Variants in LHX2 observed in about 807,000 individuals in gnomAD.
LHX2 encodes LIM/homeobox protein Lhx2.
Under a neutral mutation model 33.0 loss-of-function variants are expected in LHX2, and 6 were observed. The ratio of observed to expected loss-of-function variants is 0.18; its 90% CI spans 0.10 to 0.36. The LOEUF is 0.36. Among genes scored for constraint, LHX2 ranks in the 10% least tolerant of loss-of-function variants. The pLI is 1.00. For missense variants in LHX2, 442 were observed against 586.2 expected (o/e 0.75, Z 2.54); for synonymous variants, 292 against 253.1 (o/e 1.15, Z -1.46).
Position 124,014,131 on chromosome 9 carries a change from C to A in LHX2, c.291C>A (p.Asp97Glu). The A allele has an allele frequency of 6.2e-7, 1 of 1,613,472 alleles. No homozygotes were observed. The highest frequency in any genetic ancestry group is 8.5e-7 in the Non-Finnish European group (1 of 1,180,012). ...CGGAGCTCACCTGTTTCAGCAAGGA[C>A]GGTAGCATCTACTGCAAGGAAGACT... ...LESELTCFSK[D>E]GSIYCKEDYY... The change falls in exon 2 of 5, where the codon GAC becomes GAA. Residue 97 changes from aspartate to glutamate, a missense_variant. Coordinates refer to ENST00000373615, the MANE Select transcript of LHX2 (RefSeq NM_004789.4). The surrounding 1 kb of genome is among the most constrained non-coding windows in gnomAD (Gnocchi z 4.8).
Position 124,014,567 on chromosome 9 carries a change from G to A in LHX2, c.323+404G>A, listed in dbSNP as rs1403033784. Among the ~76,000 whole-genome samples, 1 of 152,192 alleles carries A rather than the reference G, an allele frequency of 6.6e-6. No homozygotes were observed. Among genetic ancestry groups the A allele is most frequent in the African/African-American group, 2.4e-5 (1 of 41,450 alleles). ...CACAGCTGGAAAGAGAGCTGTGGGAGTGGGTGCATTTCCAGGTCTTTTGAG... is the reference window on the plus strand; with the variant it reads ...CACAGCTGGAAAGAGAGCTGTGGGAATGGGTGCATTTCCAGGTCTTTTGAG... On this transcript the variant is annotated intron_variant, in intron 2 of 4. Coordinates refer to ENST00000373615, the MANE Select transcript of LHX2 (RefSeq NM_004789.4). This position sits in a 1 kb window ranked among gnomAD's most constrained non-coding sequence, Gnocchi z 4.8.
intron 4 of LHX2, among the ~76,000 whole-genome samples, chr9:124,026,955 G>C (rs1234657918): frequency 3.9e-5 from 6 of 152,154 alleles, no homozygotes; most frequent in Admixed American, 3.9e-4. Context: ...TTTCCTGCCT[G>C]TCTACCACCC....
chr9:124,012,746 C>T lies in LHX2; in HGVS notation c.120+278C>T, dbSNP rs1438975063. ...GCGAAGTCCCATCCGCGGCCCGGGG[C>T]GGCTCCCTTCTCACCTTGCCCGGTG... is the stretch of plus-strand genomic sequence containing the variant. On this transcript the variant is annotated intron_variant, in intron 1 of 4. Transcript: ENST00000373615. The surrounding 1 kb of genome is among the most constrained non-coding windows in gnomAD (Gnocchi z 4.3). Among the ~76,000 whole-genome samples, 3 of 152,204 alleles carry T rather than the reference C, an allele frequency of 2.0e-5. No individual in the cohort carries two copies. The highest frequency in any genetic ancestry group is 4.8e-5 in the African/African-American group (2 of 41,460).
chr9:124,011,897 G>A lies in LHX2; in HGVS notation c.-452G>A, dbSNP rs1267905851. 1 of 152,252 alleles carries A rather than the reference G, an allele frequency of 6.6e-6. No individual in the cohort carries two copies. The highest frequency in any genetic ancestry group is 1.5e-5 in the Non-Finnish European group (1 of 68,116). 9.4% of individuals were successfully genotyped at this position (152,252 alleles called of 1,614,324 possible). On this transcript the variant is annotated 5_prime_UTR_variant, in exon 1 of 5. Transcript: ENST00000373615. Reference sequence around the variant, plus strand: ...AGGGAGGGGAGGGGTCCAGGCAGCTGGGCCGCCGCGGACACCTAGCGGCTT... The same window carrying A: ...AGGGAGGGGAGGGGTCCAGGCAGCTAGGCCGCCGCGGACACCTAGCGGCTT...
In LHX2 at chr9:124,032,697, A is replaced by G. The variant is rs769950167; in HGVS notation, c.1211A>G (p.Asn404Ser). ...PHSPSQTTLT[N>S]LF ...AGCCCCTCACAAACGACTCTTACCA[A>G]CCTTTTCTAATGACTCGCAACCCCT... The change falls in exon 5 of 5, where the codon AAC (asparagine) becomes AGC (serine). Residue 404 changes from asparagine to serine, a missense_variant. Physicochemically the swap from Asn to Ser is conservative, Grantham distance 46. Around this residue, in one of 5 missense-constraint regions of LHX2, gnomAD observed 109 missense variants for 98.7 expected, o/e 1.10. Transcript: ENST00000373615. This position sits in a 1 kb window ranked among gnomAD's most constrained non-coding sequence, Gnocchi z 4.1. The G allele has an allele frequency of 1.3e-6, 2 of 1,582,810 alleles. No homozygotes were observed. The highest frequency in any genetic ancestry group is 1.1e-5 in the South Asian group (1 of 89,040).
chr9:124,018,531 C>G (rs900566687), intron 3 of LHX2, among the ~76,000 whole-genome samples: 2 of 152,172 alleles, frequency 1.3e-5, no homozygotes, highest in African/African-American at 4.8e-5. Flanking sequence ...CCTTCTTTCC[C>G]CTTTTCTCTA....
intron 4 of LHX2, among the ~76,000 whole-genome samples, chr9:124,022,531 G>A (rs1261618497): frequency 2.6e-5 from 4 of 152,202 alleles, no homozygotes; most frequent in Non-Finnish European, 5.9e-5. Context: ...ACCGAGGGAT[G>A]AAGTAACCGG....
chr9:124,012,287 G>A lies in LHX2; in HGVS notation c.-62G>A. ...TTAGCGCCAGGAGCGCCAGGCAGCT[G>A]AGGCGGGGGGCAAGCCCTCCCTCGG... On this transcript the variant is annotated 5_prime_UTR_variant, in exon 1 of 5. Coordinates refer to ENST00000373615, the MANE Select transcript of LHX2 (RefSeq NM_004789.4). This position sits in a 1 kb window ranked among gnomAD's most constrained non-coding sequence, Gnocchi z 4.3. The A allele has an allele frequency of 1.4e-6, 2 of 1,422,856 alleles. No individual in the cohort carries two copies. The highest frequency in any genetic ancestry group is 1.8e-6 in the Non-Finnish European group (2 of 1,091,830). The allele number at this position is 1,422,856 out of a possible 1,614,324, so 88.1% of individuals were successfully genotyped here.
chr9:124,018,633 G>A (rs115481101), intron 3 of LHX2, among the ~76,000 whole-genome samples: 5,999 of 152,076 alleles, frequency 0.039, 145 homozygotes, highest in Middle Eastern at 0.11. Context: ...CCGGACCCTC[G>A]CCACAAGCTG....
chr9:124,021,439 C>T (rs1024877148), intron 4 of LHX2, 135 bp downstream of exon 4: 4 of 702,932 alleles, frequency 5.7e-6, no homozygotes, highest in Non-Finnish European at 7.1e-6. Flanking sequence ...TTCTCATTCT[C>T]TTTCTTCACC....
At chr9:124,023,383 C>T (rs929085419) in intron 4 of LHX2, among the ~76,000 whole-genome samples, 7 of 152,266 alleles carry the variant, frequency 4.6e-5, no homozygotes, top group South Asian at 2.1e-4. Context: ...TCAAAGCCCT[C>T]CTGGGCATAG....
In LHX2 at chr9:124,012,361, A is replaced by G; in HGVS notation, c.13A>G (p.Ser5Gly). 1 of 1,519,716 alleles carries G rather than the reference A, an allele frequency of 6.6e-7. No individual in the cohort carries two copies. Among genetic ancestry groups the G allele is most frequent in the Non-Finnish European group, 8.8e-7 (1 of 1,138,428 alleles). 94.1% of individuals were successfully genotyped at this position (1,519,716 alleles called of 1,614,324 possible). MLFH[S>G]LSGPEVHGVI... The stretch of plus-strand genomic sequence containing the variant: ...CGGTCCCGCCGCGATGCTGTTCCAC[A>G]GTCTGTCGGGCCCCGAGGTGCACGG... The change falls in exon 1 of 5, where the codon AGT becomes GGT. Residue 5 changes from serine to glycine, a missense_variant. By Grantham distance (56) the Ser-to-Gly change is moderately conservative (BLOSUM62 0). Coordinates refer to ENST00000373615, the MANE Select transcript of LHX2 (RefSeq NM_004789.4). This position sits in a 1 kb window ranked among gnomAD's most constrained non-coding sequence, Gnocchi z 4.3.
chr9:124,028,556 C>T (rs1828662851), intron 4 of LHX2, among the ~76,000 whole-genome samples: 1 of 152,154 alleles, frequency 6.6e-6, no homozygotes, highest in South Asian at 2.1e-4. Flanking sequence ...TGAGGCCGGT[C>T]CAGAGGTGAG....
In LHX2 at chr9:124,032,495, A is replaced by G; in HGVS notation, c.1009A>G (p.Thr337Ala). Residue 337 changes from threonine to alanine, a missense_variant, in exon 5 of 5, where the codon ACA becomes GCA. By Grantham distance (58) the Thr-to-Ala change is moderately conservative. Around this residue, in one of 5 missense-constraint regions of LHX2, gnomAD observed 109 missense variants for 98.7 expected, o/e 1.10. Transcript: ENST00000373615. This position sits in a 1 kb window ranked among gnomAD's most constrained non-coding sequence, Gnocchi z 4.1. ...RQENTGVDKSTDAALQTGTPS... is the reference protein window; with the variant it reads ...RQENTGVDKSADAALQTGTPS... ...GGAAAACACGGGCGTGGACAAGTCGACAGACGCGGCGCTGCAGACAGGGAC... is the reference window on the plus strand; with the variant it reads ...GGAAAACACGGGCGTGGACAAGTCGGCAGACGCGGCGCTGCAGACAGGGAC... 4 of 1,612,676 alleles carry G rather than the reference A, an allele frequency of 2.5e-6. No individual in the cohort carries two copies. The highest frequency in any genetic ancestry group is 3.4e-6 in the Non-Finnish European group (4 of 1,179,930).
rs1370844767 is a variant in LHX2, at chr9:124,014,009, G to A, written c.169G>A (p.Gly57Arg). 6.2e-7 allele frequency: 1 copy of A among 1,613,498 alleles called. No homozygotes were observed. Among genetic ancestry groups the A allele is most frequent in the Non-Finnish European group, 8.5e-7 (1 of 1,180,028 alleles). ...CCGCGCCGCGCTGTGCGCCGGCTGC[G>A]GGGGCAAGATCTCGGACCGCTACTA... is the stretch of plus-strand genomic sequence containing the variant. ...SDRAALCAGCGGKISDRYYLL... is the reference protein window; with the variant it reads ...SDRAALCAGCRGKISDRYYLL... Residue 57 changes from glycine to arginine, a missense_variant, in exon 2 of 5, where the codon GGG becomes AGG. Around this residue, in one of 5 missense-constraint regions of LHX2, gnomAD observed 72 missense variants for 171.6 expected, o/e 0.42. Transcript: ENST00000373615. This position sits in a 1 kb window ranked among gnomAD's most constrained non-coding sequence, Gnocchi z 4.8.
In LHX2 at chr9:124,024,996, G is replaced by A. The variant is rs140604988; in HGVS notation, c.933+3692G>A. On this transcript the variant is annotated intron_variant, in intron 4 of 4. Transcript: ENST00000373615. ...TGTGGGTCACAGATGCCATGTCTTG[G>A]TAGGGAAGCAGAAACCTCTAGTAAA... Among the ~76,000 whole-genome samples the A allele has an allele frequency of 3.7e-4, 56 of 152,314 alleles. No homozygotes were observed. The East Asian group carries it at 0.011, about 29-fold the overall frequency.
intron 4 of LHX2, among the ~76,000 whole-genome samples, chr9:124,021,572 C>T (rs1286493606): frequency 6.6e-6 from 1 of 152,198 alleles, no homozygotes; most frequent in Non-Finnish European, 1.5e-5. Context: ...TCTCCACACT[C>T]GGTCTCTTTT....
Position 124,032,690 on chromosome 9 carries a change from CT to C in LHX2, c.1206del (p.Thr403ProfsTer16). ...HEPHSPSQTT[L>X]TNLF ...GCCTCACAGCCCCTCACAAACGACT[CT>C]TACCAACCTTTTCTAATGACTCGCA... On this transcript the variant is annotated frameshift_variant, in exon 5 of 5. Coordinates refer to ENST00000373615, the MANE Select transcript of LHX2 (RefSeq NM_004789.4). LOFTEE classifies it high-confidence loss of function. This position sits in a 1 kb window ranked among gnomAD's most constrained non-coding sequence, Gnocchi z 4.1. 1.9e-6 allele frequency: 3 copies of C among 1,587,096 alleles called. No homozygotes were observed. Among genetic ancestry groups the C allele is most frequent in the Non-Finnish European group, 1.7e-6 (2 of 1,160,166 alleles).
At chr9:124,022,793 C>T (rs1859315296) in intron 4 of LHX2, among the ~76,000 whole-genome samples, 1 of 152,240 alleles carries the variant, frequency 6.6e-6, no homozygotes, top group Non-Finnish European at 1.5e-5. Context: ...GCGGGGGGAG[C>T]CGGGAGTTGG....
Sources: gnomAD v4.1 joint callset for allele counts (sites outside exome capture counted in the v4.1 genomes callset) on GRCh38, gnomAD v4.1.1 for gene constraint, gnomAD v4.1.1 regional missense constraint, Gnocchi (gnomAD v3.1) non-coding constraint, MANE v1.5 for transcripts, NCBI Gene and HGNC (gene_info 2026-07-23, HGNC 2026-07-21) for gene names.